The following IL10RA variants were observed in gnomAD, a reference collection of about 807,000 sequenced individuals.
IL10RA encodes the protein interleukin 10 receptor subunit alpha.
In IL10RA, 18 loss-of-function variants were observed where a neutral mutation model predicts 29.6. That is an observed-to-expected ratio of 0.61 (90% CI 0.42 to 0.90). The LOEUF (loss-of-function observed/expected upper bound fraction) is 0.90. Among genes scored for constraint, IL10RA ranks in the 40% least tolerant of loss-of-function variants. The pLI, the probability that IL10RA is intolerant of heterozygous loss-of-function variation, is 0.00. For missense variants in IL10RA, 634 were observed against 716.6 expected, an observed-to-expected ratio of 0.88 and a Z score of 1.32; for synonymous variants, 292 against 294.1, an observed-to-expected ratio of 0.99 and a Z score of 0.07.
chr11:117,990,758 A>G (rs2058017213), intron 3 of IL10RA, among the ~76,000 whole-genome samples: 1 of 152,238 alleles, frequency 6.6e-6, no homozygotes, highest in African/African-American at 2.4e-5. Context: ...ATAAAAATAT[A>G]ATCAATGCAA....
intron 6 of IL10RA, 78 bp from the exon 7 acceptor site, chr11:117,998,637 C>T (rs992608690): frequency 2.9e-5 from 37 of 1,267,704 alleles, no homozygotes; most frequent in Non-Finnish European, 3.8e-5. Flanking sequence ...TCCTCCTGGG[C>T]CTGGCCTTCC....
chr11:117,993,139 C>A, intron 3 of IL10RA, 102 bp from the exon 4 acceptor site: 1 of 1,086,072 alleles, frequency 9.2e-7, no homozygotes, highest in Non-Finnish European at 1.4e-6. Flanking sequence ...GGCCTAGGTT[C>A]TAATTAAGCT....
chr11:117,996,625 A>G (rs2058058205), intron 6 of IL10RA, among the ~76,000 whole-genome samples: 1 of 152,174 alleles, frequency 6.6e-6, no homozygotes, highest in African/African-American at 2.4e-5. Context: ...TCTAGGGAAA[A>G]CAAGACGAGA....
chr11:117,999,345 C>T lies in IL10RA; in HGVS notation c.1441C>T (p.Leu481=), dbSNP rs1204148050. ...DGLGPKFGRC[L]VDEAGLHPPA... Reference sequence around the variant, plus strand: ...CCTTGGCCCCAAATTCGGGAGATGCCTGGTTGATGAGGCAGGCTTGCATCC... The same window carrying T: ...CCTTGGCCCCAAATTCGGGAGATGCTTGGTTGATGAGGCAGGCTTGCATCC... Residue 481 remains leucine, a synonymous_variant, in exon 7 of 7, where the codon CTG becomes TTG. Transcript: ENST00000227752. 1.9e-6 allele frequency: 3 copies of T among 1,614,236 alleles called. No homozygotes were observed. Among genetic ancestry groups the T allele is most frequent in the Non-Finnish European group, 1.7e-6 (2 of 1,180,044 alleles).
At chr11:118,002,314 C>T (rs1160598751), downstream of IL10RA, 1 of 152,264 alleles carries the variant, frequency 6.6e-6, no homozygotes, top group African/African-American at 2.4e-5. Context: ...CCTGTGTCAT[C>T]TCCAATCTTG....
In IL10RA at chr11:117,998,969, G is replaced by C; in HGVS notation, c.1065G>C (p.Val355=). 6.2e-7 allele frequency: 1 copy of C among 1,613,726 alleles called. No individual in the cohort carries two copies. Among genetic ancestry groups the C allele is most frequent in the Non-Finnish European group, 8.5e-7 (1 of 1,179,722 alleles). Residue 355 remains valine, a synonymous_variant, in exon 7 of 7, where the codon GTG becomes GTC. Transcript: ENST00000227752. ...CGCTGGGAAACAGGGAGCCCCCTGT[G>C]CTGGGGGACAGCTGCAGTAGTGGCA... The part of the protein sequence containing the change: ...DRTLGNREPP[V]LGDSCSSGSS...
Position 118,000,028 on chromosome 11 carries a change from C to A in IL10RA, c.*387C>A, listed in dbSNP as rs1433688788. 1.1e-5 allele frequency: 5 copies of A among 467,252 alleles called. No individual in the cohort carries two copies. The highest frequency in any genetic ancestry group is 7.7e-5 in the South Asian group (5 of 64,582). 28.9% of individuals were successfully genotyped at this position (467,252 alleles called of 1,614,324 possible). ...CCACCAGGCTGAAGTCAGCTCAGAC[C>A]CAGACCTCCCTGCTTAGGCCACTCG... is the stretch of plus-strand genomic sequence containing the variant. On this transcript the variant is annotated 3_prime_UTR_variant, in exon 7 of 7. Transcript: ENST00000227752.
chr11:117,993,804 T>G (rs2058039577), intron 4 of IL10RA, among the ~76,000 whole-genome samples, 195 bp from the exon 5 acceptor site: 1 of 152,238 alleles, frequency 6.6e-6, no homozygotes, highest in Non-Finnish European at 1.5e-5. Context: ...ACACCGCTTT[T>G]TCTTTTAAAA....
chr11:118,003,012 A>T (rs2058104879), downstream of IL10RA: 1 of 152,242 alleles, frequency 6.6e-6, no homozygotes, highest in African/African-American at 2.4e-5. Context: ...GAAATTCAAT[A>T]AACTGTGTTT....
intron 5 of IL10RA, chr11:117,995,220 A>G: frequency 2.8e-6 from 1 of 358,760 alleles, no homozygotes; most frequent in South Asian, 2.3e-5. Context: ...TAATTTGTCC[A>G]CAATTGCACA....
At position 117,999,551 on chromosome 11, in the gene IL10RA, C is replaced by T. The variant is rs753027087; in HGVS notation, c.1647C>T (p.Gly549=). 1.2e-6 allele frequency: 2 copies of T among 1,614,086 alleles called. No homozygotes were observed. Among genetic ancestry groups the T allele is most frequent in the East Asian group, 4.5e-5 (2 of 44,892 alleles). The part of the protein sequence containing the change: ...WSFAHDLAPL[G]CVAAPGGLLG... ...TTGCCCATGACCTTGCCCCTCTAGG[C>T]TGTGTGGCAGCCCCAGGTGGTCTCC... The change falls in exon 7 of 7, where the codon GGC becomes GGT. Residue 549 remains glycine (G), a synonymous_variant. Coordinates refer to ENST00000227752, the MANE Select transcript of IL10RA (RefSeq NM_001558.4).
Position 118,001,200 on chromosome 11 carries a change from T to G in IL10RA, c.*1559T>G, listed in dbSNP as rs749670933. 1.8e-5 allele frequency: 8 copies of G among 454,230 alleles called. No individual in the cohort carries two copies. Among genetic ancestry groups the G allele is most frequent in the South Asian group, 1.1e-4 (7 of 64,476 alleles). The allele number at this position is 454,230 out of a possible 1,614,324, so 28.1% of individuals were successfully genotyped here. On this transcript the variant is annotated 3_prime_UTR_variant, in exon 7 of 7. Transcript: ENST00000227752. The stretch of plus-strand genomic sequence containing the variant: ...GCTTTATTTATTTATTTTGTTCATT[T>G]ATTTATTGGAGAGGCAGCATTGCAC...
Position 117,999,696 on chromosome 11 carries a change from C to A in IL10RA, c.*55C>A. ...GCCATGCCTGCTCCTCTGCCTGGAC[C>A]AGGAGGAGGGCCCCTGGGGCAGAAG... On this transcript the variant is annotated 3_prime_UTR_variant, in exon 7 of 7. Transcript: ENST00000227752. The A allele has an allele frequency of 2.0e-6, 3 of 1,504,258 alleles. No individual in the cohort carries two copies. The highest frequency in any genetic ancestry group is 2.8e-6 in the Non-Finnish European group (3 of 1,084,294). 93.2% of individuals were successfully genotyped at this position (1,504,258 alleles called of 1,614,324 possible). A position where few individuals can be genotyped will look rare whatever the true frequency, so the allele number is the denominator to read the frequency against.
Position 117,999,499 on chromosome 11 carries a change from G to T in IL10RA, c.1595G>T (p.Ser532Ile), listed in dbSNP as rs776317532. 6.2e-7 allele frequency: 1 copy of T among 1,614,230 alleles called. No individual in the cohort carries two copies. Among genetic ancestry groups the T allele is most frequent in the Non-Finnish European group, 8.5e-7 (1 of 1,180,042 alleles). The change falls in exon 7 of 7, where the codon AGT becomes ATT. Residue 532 changes from serine (S) to isoleucine (I), a missense_variant. Transcript: ENST00000227752. ...EWSLLALSSC[S>I]DLGISDWSFA... ...TCACTCCTGGCCTTGAGCAGCTGCAGTGACCTGGGAATATCTGACTGGAGC... is the reference window on the plus strand; with the variant it reads ...TCACTCCTGGCCTTGAGCAGCTGCATTGACCTGGGAATATCTGACTGGAGC...
rs748776675 is a variant in IL10RA, at chr11:117,993,273, A to C, written c.400A>C (p.Ile134Leu). The C allele has an allele frequency of 1.2e-6, 2 of 1,613,982 alleles. No individual in the cohort carries two copies. Among genetic ancestry groups the C allele is most frequent in the African/African-American group, 1.3e-5 (1 of 74,972 alleles). ...TLTVGSVNLE[I>L]HNGFILGKIQ... is the part of the protein sequence containing the mutation. ...GACAGTTGGCAGTGTGAACCTAGAG[A>C]TCCACAATGGCTTCATCCTCGGGAA... is the stretch of plus-strand genomic sequence containing the variant. The change falls in exon 4 of 7, where the codon ATC becomes CTC. Residue 134 changes from isoleucine to leucine, a missense_variant. Ile to Leu is a conservative substitution (Grantham distance 5). Coordinates refer to ENST00000227752, the MANE Select transcript of IL10RA (RefSeq NM_001558.4).
chr11:118,000,828 A>G lies in IL10RA; in HGVS notation c.*1187A>G. The G allele has an allele frequency of 2.2e-6, 1 of 454,270 alleles. No homozygotes were observed. The highest frequency in any genetic ancestry group is 4.4e-6 in the Non-Finnish European group (1 of 226,784). 28.1% of individuals were successfully genotyped at this position (454,270 alleles called of 1,614,324 possible). On this transcript the variant is annotated 3_prime_UTR_variant, in exon 7 of 7. Coordinates refer to ENST00000227752, the MANE Select transcript of IL10RA (RefSeq NM_001558.4). ...TGGCTTGTTTCTTATGCCAGAGGCT[A>G]ACAGATCCAATGGGAGTCCATGGTG...
chr11:117,997,497 AT>A (rs1263118196), intron 6 of IL10RA, among the ~76,000 whole-genome samples: 6 of 152,204 alleles, frequency 3.9e-5, no homozygotes, highest in Non-Finnish European at 8.8e-5. Flanking sequence ...TCACCAAGCA[AT>A]GTGATAGGAA....
intron 1 of IL10RA, 57 bp from the exon 2 acceptor site, chr11:117,988,325 G>A: frequency 1.2e-6 from 2 of 1,610,054 alleles, no homozygotes; most frequent in South Asian, 1.1e-5. Context: ...TGGTAAAATT[G>A]GGGTCATCAA....
In IL10RA at chr11:117,986,540, G is replaced by T. The variant is rs1182312522; in HGVS notation, c.67+6G>T. The T allele has an allele frequency of 5.0e-5, 78 of 1,552,534 alleles. No individual in the cohort carries two copies. Among genetic ancestry groups the T allele is most frequent in the Non-Finnish European group, 5.9e-5 (68 of 1,147,786 alleles). On this transcript the variant is annotated splice_donor_region_variant and intron_variant, in intron 1 of 6. Coordinates refer to ENST00000227752, the MANE Select transcript of IL10RA (RefSeq NM_001558.4). ...TCTTGGCTCAGACGCTCATGGTAAGGCTCCGGGACGCGGCCCTTCCCTGCC... is the reference window on the plus strand; with the variant it reads ...TCTTGGCTCAGACGCTCATGGTAAGTCTCCGGGACGCGGCCCTTCCCTGCC...
Sources: gnomAD v4.1 joint callset for allele counts (sites outside exome capture counted in the v4.1 genomes callset) on GRCh38, gnomAD v4.1.1 for gene constraint, MANE v1.5 for transcripts, NCBI Gene and HGNC (gene_info 2026-07-23, HGNC 2026-07-21) for gene names.